ST8SIA5: variants seen among roughly 807,000 people sequenced by gnomAD.
ST8SIA5 encodes the protein alpha-2,8-sialyltransferase 8E.
Under a neutral mutation model 40.2 loss-of-function variants are expected in ST8SIA5, and 24 were observed. The ratio of observed to expected loss-of-function variants is 0.60; its 90% CI spans 0.43 to 0.84. The LOEUF is 0.84. ST8SIA5 is among the 40% of genes least tolerant of loss of function. The pLI is 0.00. For synonymous variants in ST8SIA5, 198 were observed against 201.8 expected, an observed-to-expected ratio of 0.98 and a Z score of 0.16; for missense variants, 465 against 498.5, an observed-to-expected ratio of 0.93 and a Z score of 0.64.
chr18:46,737,473 T>C (rs1444910067), intron 1 of ST8SIA5, among the ~76,000 whole-genome samples: 1 of 152,226 alleles, frequency 6.6e-6, no homozygotes, highest in Non-Finnish European at 1.5e-5. Context: ...GTTTAACGAA[T>C]GTTTCTTGAT....
In ST8SIA5 at chr18:46,670,367, T is replaced by C. The variant is rs1397191687; in HGVS notation, c.*9675A>G. On this transcript the variant is annotated 3_prime_UTR_variant, in exon 7 of 7. Coordinates refer to ENST00000315087, the MANE Select transcript of ST8SIA5 (RefSeq NM_013305.6). ...TGTTGCTCCCGGGGTTATTATAACA[T>C]ATTCTCCCTCTCTTCCCCACTAAAC... The C allele has an allele frequency of 6.6e-6, 1 of 152,224 alleles. No individual in the cohort carries two copies. Among genetic ancestry groups the C allele is most frequent in the African/African-American group, 2.4e-5 (1 of 41,442 alleles). 9.4% of individuals were successfully genotyped at this position (152,224 alleles called of 1,614,324 possible).
In ST8SIA5 at chr18:46,721,554, C is replaced by T. The variant is rs115489374; in HGVS notation, c.132-16890G>A. 3,737 of 1,107,422 alleles carry T rather than the reference C, an allele frequency of 3.4e-3. 38 individuals carry two copies. The highest frequency in any genetic ancestry group is 0.028 in the African/African-American group (1,832 of 64,856). 68.6% of individuals were successfully genotyped at this position (1,107,422 alleles called of 1,614,324 possible). A position where few individuals can be genotyped will look rare whatever the true frequency, so the allele number is the denominator to read the frequency against. ...CAGAGAGCCACATTCTGTTGCTGTG[C>T]CCAAGTGACACATTGCCTTGGTCAT... On this transcript the variant is annotated intron_variant, in intron 1 of 6. Coordinates refer to ENST00000315087, the MANE Select transcript of ST8SIA5 (RefSeq NM_013305.6).
chr18:46,686,781 G>A (rs1467202003), intron 4 of ST8SIA5, among the ~76,000 whole-genome samples: 1 of 139,714 alleles, frequency 7.2e-6, no homozygotes, highest in Non-Finnish European at 1.5e-5. Context: ...CAGTAGGTGA[G>A]TAAACTGCAC....
intron 2 of ST8SIA5, among the ~76,000 whole-genome samples, chr18:46,699,105 C>T (rs747913634): frequency 6.6e-5 from 10 of 152,134 alleles, no homozygotes; most frequent in Non-Finnish European, 1.3e-4. Context: ...CAAATGTTAT[C>T]GGCCTTGTCA....
chr18:46,710,431 CTTTCTT>C (rs1179159043), intron 1 of ST8SIA5, among the ~76,000 whole-genome samples: 6 of 120,932 alleles, frequency 5.0e-5, no homozygotes, highest in African/African-American at 1.3e-4. Context: ...CTTTCTCTCT[CTTTCTT>C]TTTCTTTTTC....
intron 1 of ST8SIA5, among the ~76,000 whole-genome samples, chr18:46,750,832 C>A (rs2040188930): frequency 6.6e-6 from 1 of 152,180 alleles, no homozygotes; most frequent in East Asian, 1.9e-4. Flanking sequence ...TCATTTTCCA[C>A]TCTGCTCTGT....
intron 2 of ST8SIA5, among the ~76,000 whole-genome samples, chr18:46,703,064 G>A (rs550282205): frequency 3.3e-5 from 5 of 152,346 alleles, no homozygotes; most frequent in Admixed American, 1.3e-4. Flanking sequence ...AGAGAGAGAC[G>A]GGTGCTGACA....
In ST8SIA5 at chr18:46,679,290, C is replaced by A. The variant is rs2039361743; in HGVS notation, c.*752G>T. On this transcript the variant is annotated 3_prime_UTR_variant, in exon 7 of 7. Transcript: ENST00000315087. The stretch of plus-strand genomic sequence containing the variant: ...TTCCTTCTCATCAAAAGAGCTAACG[C>A]AGGATTGAACCTGGGGGCACCAAGA... 6.6e-6 allele frequency: 1 copy of A among 152,208 alleles called. No homozygotes were observed. The highest frequency in any genetic ancestry group is 2.4e-5 in the African/African-American group (1 of 41,434). 9.4% of individuals were successfully genotyped at this position (152,208 alleles called of 1,614,324 possible).
intron 2 of ST8SIA5, among the ~76,000 whole-genome samples, chr18:46,697,938 G>T (rs1467659390): frequency 6.6e-6 from 1 of 152,158 alleles, no homozygotes; most frequent in Non-Finnish European, 1.5e-5. Flanking sequence ...CCATTCTCAT[G>T]CTTCTCATGT....
At chr18:46,701,475 C>T (rs958474296) in intron 2 of ST8SIA5, among the ~76,000 whole-genome samples, 2 of 151,958 alleles carry the variant, frequency 1.3e-5, no homozygotes. Flanking sequence ...AAAATGAGGC[C>T]ATCAGAGTGA....
intron 1 of ST8SIA5, among the ~76,000 whole-genome samples, chr18:46,709,289 A>G (rs1361397054): frequency 6.6e-6 from 1 of 152,216 alleles, no homozygotes; most frequent in African/African-American, 2.4e-5. Context: ...CCTTTCCACC[A>G]TGTGAGGATG....
Position 46,680,414 on chromosome 18 carries a change from G to C in ST8SIA5, c.759C>G (p.Arg253=), listed in dbSNP as rs371860867. 6 of 1,613,414 alleles carry C rather than the reference G, an allele frequency of 3.7e-6. No individual in the cohort carries two copies. In the African/African-American group the frequency reaches 6.7e-5, roughly 18 times the overall value. Residue 253 remains arginine (R), a synonymous_variant, in exon 7 of 7, where the codon CGC becomes CGG. Coordinates refer to ENST00000315087, the MANE Select transcript of ST8SIA5 (RefSeq NM_013305.6). ...SVLLPAFYNT[R]NTDVSIRVKY... is the part of the protein sequence containing the mutation. ...TGACGCGGATGGACACGTCGGTGTT[G>C]CGCGTGTTGTAGAAGGCAGGCAGCA...
chr18:46,688,741 G>A (rs543410504), intron 4 of ST8SIA5, 34 bp downstream of exon 4: 89 of 1,592,050 alleles, frequency 5.6e-5, no homozygotes, highest in Non-Finnish European at 6.7e-5. Flanking sequence ...TGGCTCCCTC[G>A]CCCCACCCAG....
chr18:46,694,730 G>A (rs2039539532), intron 2 of ST8SIA5, among the ~76,000 whole-genome samples: 1 of 151,942 alleles, frequency 6.6e-6, no homozygotes, highest in Non-Finnish European at 1.5e-5. Context: ...GGAAGTGCCT[G>A]TACCCCCCGA....
intron 2 of ST8SIA5, among the ~76,000 whole-genome samples, chr18:46,699,591 G>C (rs991215540): frequency 1.3e-5 from 2 of 152,174 alleles, no homozygotes; most frequent in African/African-American, 4.8e-5. Context: ...GTGTTAGCCA[G>C]AATGGTCTCG....
intron 1 of ST8SIA5, among the ~76,000 whole-genome samples, chr18:46,714,002 G>C (rs1169368885): frequency 1.3e-5 from 2 of 152,200 alleles, no homozygotes; most frequent in African/African-American, 4.8e-5. Context: ...AGGAAGAAAA[G>C]AGAGACTTCA....
At chr18:46,726,751 T>C (rs1202271877) in intron 1 of ST8SIA5, among the ~76,000 whole-genome samples, 1 of 151,892 alleles carries the variant, frequency 6.6e-6, no homozygotes, top group Non-Finnish European at 1.5e-5. Context: ...TCCCCATCTC[T>C]ACTAAAAATA....
intron 4 of ST8SIA5, among the ~76,000 whole-genome samples, chr18:46,688,392 G>T (rs2039469336): frequency 6.6e-6 from 1 of 152,162 alleles, no homozygotes; most frequent in African/African-American, 2.4e-5. Context: ...TCTGCACTGG[G>T]TTGTTCTTTC....
At chr18:46,754,820 G>A (rs558269830) in intron 1 of ST8SIA5, among the ~76,000 whole-genome samples, 18 of 152,352 alleles carry the variant, frequency 1.2e-4, no homozygotes, top group African/African-American at 3.6e-4. Flanking sequence ...GGGAGGTGCC[G>A]GGAGGGGGCA....
Sources: gnomAD v4.1 joint callset for allele counts (sites outside exome capture counted in the v4.1 genomes callset) on GRCh38, gnomAD v4.1.1 for gene constraint, MANE v1.5 for transcripts, NCBI Gene and HGNC (gene_info 2026-07-23, HGNC 2026-07-21) for gene names.